RERE: variants seen among roughly 807,000 people sequenced by gnomAD.
RERE encodes arginine-glutamic acid dipeptide repeats protein.
Under a neutral mutation model 146.1 loss-of-function variants are expected in RERE, and 40 were observed. The observed-to-expected ratio is 0.27, with a 90% CI of 0.21 to 0.36. The LOEUF is 0.36. RERE is among the 10% of genes least tolerant of loss of function. RERE has a pLI of 1.00. For missense variants in RERE, 1,933 were observed against 2,138.7 expected (o/e 0.90, Z 1.90); for synonymous variants, 1,003 against 866.0 (o/e 1.16, Z -2.78).
chr1:8,671,957 G>C (rs1638727963), intron 1 of RERE, among the ~76,000 whole-genome samples: 1 of 151,970 alleles, frequency 6.6e-6, no homozygotes, highest in East Asian at 1.9e-4. Context: ...AAGAGAAAGG[G>C]GAAAGCTGCT....
chr1:8,761,516 C>T (rs771346147), intron 1 of RERE, among the ~76,000 whole-genome samples: 2 of 152,330 alleles, frequency 1.3e-5, no homozygotes, highest in East Asian at 1.9e-4. Flanking sequence ...ACACCTCCCC[C>T]ACATGTAAGA....
chr1:8,587,547 A>AG (rs1438289934), intron 4 of RERE, among the ~76,000 whole-genome samples: 1 of 152,174 alleles, frequency 6.6e-6, no homozygotes, highest in Non-Finnish European at 1.5e-5. Flanking sequence ...CCCCTCATAC[A>AG]GTTCATGTGA....
At chr1:8,749,450 G>T (rs183497476) in intron 1 of RERE, among the ~76,000 whole-genome samples, 31 of 151,676 alleles carry the variant, frequency 2.0e-4, no homozygotes, top group African/African-American at 7.3e-4. Flanking sequence ...AGGATAAGGT[G>T]ATGTAGAGTA....
intron 12 of RERE, among the ~76,000 whole-genome samples, chr1:8,420,660 T>C (rs1306383280): frequency 6.6e-6 from 1 of 152,204 alleles, no homozygotes; most frequent in Non-Finnish European, 1.5e-5. Context: ...TAATAAATCC[T>C]CCATTGCTGC....
chr1:8,634,636 C>T (rs1215239090), intron 2 of RERE, among the ~76,000 whole-genome samples: 1 of 152,194 alleles, frequency 6.6e-6, no homozygotes, highest in African/African-American at 2.4e-5. Context: ...ATACCTACTC[C>T]TTCTCTCCCT....
intron 7 of RERE, among the ~76,000 whole-genome samples, chr1:8,517,595 T>C (rs1211329175): frequency 6.6e-6 from 1 of 152,172 alleles, no homozygotes; most frequent in African/African-American, 2.4e-5. Flanking sequence ...CAAATCTTTG[T>C]TTTAGAATAT....
intron 4 of RERE, among the ~76,000 whole-genome samples, chr1:8,594,089 A>AT (rs1646527145): frequency 6.6e-6 from 1 of 152,252 alleles, no homozygotes; most frequent in South Asian, 2.1e-4. Context: ...CACTACAAAA[A>AT]TGTCACAGCA....
chr1:8,755,205 G>A (rs1038206579), intron 1 of RERE, among the ~76,000 whole-genome samples: 1 of 152,242 alleles, frequency 6.6e-6, no homozygotes, highest in Non-Finnish European at 1.5e-5. Context: ...CAGCAGTACA[G>A]ATGGACTTTG....
intron 4 of RERE, among the ~76,000 whole-genome samples, chr1:8,577,031 G>T (rs12733412): frequency 0.19 from 29,578 of 151,864 alleles, 3,992 homozygotes; most frequent in East Asian, 0.62. Flanking sequence ...TTAGCTGGGC[G>T]TGGTGGCGGC....
At chr1:8,471,330 G>T (rs1185982382) in intron 10 of RERE, among the ~76,000 whole-genome samples, 1 of 151,492 alleles carries the variant, frequency 6.6e-6, no homozygotes, top group Non-Finnish European at 1.5e-5. Flanking sequence ...TTCTCTCTTT[G>T]AGACAGGGTG....
At chr1:8,581,703 C>G (rs1646367820) in intron 4 of RERE, among the ~76,000 whole-genome samples, 1 of 152,134 alleles carries the variant, frequency 6.6e-6, no homozygotes. Flanking sequence ...TTTTTTCCCA[C>G]TGAAAATAAT....
At chr1:8,437,784 G>C (rs1202613009) in intron 11 of RERE, among the ~76,000 whole-genome samples, 1 of 152,122 alleles carries the variant, frequency 6.6e-6, no homozygotes, top group Non-Finnish European at 1.5e-5. Context: ...ATGCAGAGGG[G>C]AGTTTGAGTT....
intron 1 of RERE, among the ~76,000 whole-genome samples, chr1:8,681,735 C>A (rs12027619): frequency 6.6e-6 from 1 of 152,048 alleles, no homozygotes; most frequent in Admixed American, 6.5e-5. Context: ...AGAAATTAAA[C>A]TGAAATAGGT....
intron 1 of RERE, among the ~76,000 whole-genome samples, chr1:8,657,012 C>A (rs1638331073): frequency 6.6e-6 from 1 of 152,118 alleles, no homozygotes; most frequent in Non-Finnish European, 1.5e-5. Context: ...TCAAAAATGT[C>A]TCAGGATAGG....
chr1:8,557,585 T>C (rs543353468), intron 4 of RERE, 62 bp from the exon 5 acceptor site: 5 of 1,045,976 alleles, frequency 4.8e-6, no homozygotes, highest in African/African-American at 1.6e-5. Flanking sequence ...GTGCATATCA[T>C]ACCCATGACC....
At chr1:8,757,396 T>C (rs1468838469) in intron 1 of RERE, among the ~76,000 whole-genome samples, 1 of 152,190 alleles carries the variant, frequency 6.6e-6, no homozygotes, top group Non-Finnish European at 1.5e-5. Context: ...CATGACTAAA[T>C]GAATGAACCA....
intron 15 of RERE, 73 bp downstream of exon 15, chr1:8,363,983 G>T: frequency 7.1e-7 from 1 of 1,406,606 alleles, no homozygotes; most frequent in Non-Finnish European, 1.0e-6. Context: ...CCTCCCCCTG[G>T]GAGGCTCAAG....
intron 1 of RERE, among the ~76,000 whole-genome samples, chr1:8,706,785 T>C (rs1197440909): frequency 6.6e-6 from 1 of 152,162 alleles, no homozygotes; most frequent in Non-Finnish European, 1.5e-5. Context: ...CAATGGTGGG[T>C]GTACTCCTCA....
At chr1:8,615,489 T>A (rs1646842275) in intron 3 of RERE, among the ~76,000 whole-genome samples, 1 of 152,214 alleles carries the variant, frequency 6.6e-6, no homozygotes, top group Non-Finnish European at 1.5e-5. Context: ...GATAACAGTT[T>A]GAGTATGTTC....
Sources: gnomAD v4.1 joint callset for allele counts (sites outside exome capture counted in the v4.1 genomes callset) on GRCh38, gnomAD v4.1.1 for gene constraint, MANE v1.5 for transcripts, NCBI Gene and HGNC (gene_info 2026-07-23, HGNC 2026-07-21) for gene names.